Variants in ZNF709 observed in about 807,000 individuals in gnomAD.
The protein encoded by ZNF709 is zinc finger protein 709.
Under a neutral mutation model 10.6 loss-of-function variants are expected in ZNF709, and 15 were observed. That is an observed-to-expected ratio of 1.41 (90% CI 0.95 to 2.18). The LOEUF is 2.18. ZNF709 is among the 30% of genes most tolerant of loss of function. The pLI, the probability that ZNF709 is intolerant of heterozygous loss-of-function variation, is 0.00. For missense variants in ZNF709, 589 were observed against 774.0 expected (o/e 0.76, Z 2.84); for synonymous variants, 194 against 238.8 (o/e 0.81, Z 1.73).
At chr19:12,484,582 A>T in intron 1 of ZNF709, 73 bp downstream of exon 1, 1 of 1,582,578 alleles carries the variant, frequency 6.3e-7, no homozygotes, top group Non-Finnish European at 8.6e-7. Context: ...CCTGGGTCCC[A>T]CCACAGCCAG....
At chr19:12,481,196 C>G in intron 1 of ZNF709, 1 of 984,538 alleles carries the variant, frequency 1.0e-6, no homozygotes. Flanking sequence ...GTTCTCTTGC[C>G]TAAAAGAAAC....
At chr19:12,470,403 G>C (rs1330739695) in intron 1 of ZNF709, among the ~76,000 whole-genome samples, 2 of 152,202 alleles carry the variant, frequency 1.3e-5, no homozygotes, top group Non-Finnish European at 2.9e-5. Context: ...TCCTTGTACA[G>C]TGGTTCTATG....
chr19:12,471,933 A>C lies in ZNF709; in HGVS notation c.4-5083T>G, dbSNP rs557954965. 4.9e-4 allele frequency among the ~76,000 whole-genome samples: 74 copies of C among 152,386 alleles called. 1 individual carries two copies. Among genetic ancestry groups the C allele is most frequent in the African/African-American group, 1.7e-3 (72 of 41,592 alleles). On this transcript the variant is annotated intron_variant, in intron 1 of 3. Coordinates refer to ENST00000397732, the MANE Select transcript of ZNF709 (RefSeq NM_152601.4). ...CATAAAGGATGAGACTGAAAAGTTC[A>C]AACATACTAAAATCAAGAAAGTTAA... is the stretch of plus-strand genomic sequence containing the variant.
At chr19:12,475,257 TAAA>T (rs71166684) in intron 1 of ZNF709, among the ~76,000 whole-genome samples, 12 of 44,730 alleles carry the variant, frequency 2.7e-4, no homozygotes, top group Non-Finnish European at 4.3e-4. Context: ...GATTCCGTCT[TAAA>T]AAAAAAAAAA....
At chr19:12,481,336 C>A (rs1164268367) in intron 1 of ZNF709, 3 of 204,942 alleles carry the variant, frequency 1.5e-5, no homozygotes, top group Non-Finnish European at 1.7e-5. Flanking sequence ...GGGGTTCAAG[C>A]AATTCTCCTG....
intron 1 of ZNF709, among the ~76,000 whole-genome samples, chr19:12,482,296 A>G (rs187922682): frequency 2.0e-5 from 3 of 152,162 alleles, no homozygotes; most frequent in Admixed American, 1.3e-4. Context: ...AGCTAAACAC[A>G]TACACAAGCT....
At position 12,463,969 on chromosome 19, in the gene ZNF709, T is replaced by C. The variant is rs756143908; in HGVS notation, c.*27A>G. 2.2e-6 allele frequency: 3 copies of C among 1,339,414 alleles called. No homozygotes were observed. Among genetic ancestry groups the C allele is most frequent in the South Asian group, 2.3e-5 (1 of 42,696 alleles). 83.0% of individuals were successfully genotyped at this position (1,339,414 alleles called of 1,614,324 possible). ...AAAAGGAAATAGGACAACTGAAAAC[T>C]TTGCCATATTGCTTATATACATAGG... On this transcript the variant is annotated 3_prime_UTR_variant, in exon 4 of 4. Coordinates refer to ENST00000397732, the MANE Select transcript of ZNF709 (RefSeq NM_152601.4).
At chr19:12,470,062 A>G (rs1352723361) in intron 1 of ZNF709, among the ~76,000 whole-genome samples, 2 of 152,118 alleles carry the variant, frequency 1.3e-5, no homozygotes, top group African/African-American at 2.4e-5. Context: ...CCTTTCTCCA[A>G]TTTCAGAAAG....
Position 12,467,785 on chromosome 19 carries a change from C to T in ZNF709, c.4-935G>A, listed in dbSNP as rs541367448. ...CTGGGATGTGAGGAGTGCCTCTGCC[C>T]GGCCGCGACCCCGTCTGGGAGGTGA... On this transcript the variant is annotated intron_variant, in intron 1 of 3. Transcript: ENST00000397732. Among the ~76,000 whole-genome samples, 696 of 151,556 alleles carry T rather than the reference C, an allele frequency of 4.6e-3. 5 individuals carry two copies. The highest frequency in any genetic ancestry group is 0.016 in the African/African-American group (666 of 41,246).
intron 1 of ZNF709, among the ~76,000 whole-genome samples, chr19:12,483,307 ATTTT>A (rs35777030): frequency 8.0e-4 from 76 of 95,230 alleles, no homozygotes; most frequent in Non-Finnish European, 1.4e-3. Flanking sequence ...CGCCCAGCTA[ATTTT>A]TTTTTTTTTT....
chr19:12,484,587 A>G, intron 1 of ZNF709, 68 bp downstream of exon 1: 1 of 1,593,308 alleles, frequency 6.3e-7, no homozygotes, highest in Non-Finnish European at 8.6e-7. Context: ...GTCCCACCAC[A>G]GCCAGATCCG....
At chr19:12,467,260 G>A (rs1486906729) in intron 1 of ZNF709, among the ~76,000 whole-genome samples, 2 of 152,182 alleles carry the variant, frequency 1.3e-5, no homozygotes, top group Non-Finnish European at 2.9e-5. Flanking sequence ...GCCTCAGCCT[G>A]CCGAGTGCCT....
Position 12,466,806 on chromosome 19 carries a change from C to G in ZNF709, c.48G>C (p.Glu16Asp). The change falls in exon 2 of 4, where the codon GAG becomes GAC. Residue 16 changes from glutamate to aspartate, a missense_variant. Glu to Asp is a conservative substitution (Grantham distance 45, BLOSUM62 2). Coordinates refer to ENST00000397732, the MANE Select transcript of ZNF709 (RefSeq NM_152601.4). ...FEDVAVNFTQ[E>D]EWALLGPSQK... Reference sequence around the variant, plus strand: ...GAGAGGGACCCAGCAAAGCCCACTCCTCCTGGGTGAAGTTCACAGCCACAT... The same window carrying G: ...GAGAGGGACCCAGCAAAGCCCACTCGTCCTGGGTGAAGTTCACAGCCACAT... 1 of 1,614,018 alleles carries G rather than the reference C, an allele frequency of 6.2e-7. No individual in the cohort carries two copies. The highest frequency in any genetic ancestry group is 8.5e-7 in the Non-Finnish European group (1 of 1,179,964).
rs562854863 is a variant in ZNF709, at chr19:12,466,526, T to G, written c.131-7A>C. On this transcript the variant is annotated splice_polypyrimidine_tract_variant and splice_region_variant and intron_variant, in intron 2 of 3. Transcript: ENST00000397732. The stretch of plus-strand genomic sequence containing the variant: ...TTCTCCTCCCAGTTTTCCCCTAAAA[T>G]GCAGGCCCAGAAAAATCATTAAACC... 4 of 1,613,882 alleles carry G rather than the reference T, an allele frequency of 2.5e-6. No homozygotes were observed. The highest frequency in any genetic ancestry group is 3.3e-5 in the Admixed American group (2 of 59,970).
intron 2 of ZNF709, 35 bp downstream of exon 2, chr19:12,466,689 T>C: frequency 6.2e-7 from 1 of 1,613,886 alleles, no homozygotes; most frequent in Non-Finnish European, 8.5e-7. Flanking sequence ...ACTTGTTCTC[T>C]AATTGACTAA....
At chr19:12,467,831 C>T (rs1970591601) in intron 1 of ZNF709, among the ~76,000 whole-genome samples, 1 of 151,004 alleles carries the variant, frequency 6.6e-6, no homozygotes, top group South Asian at 2.1e-4. Flanking sequence ...TGCCCGGCCG[C>T]AACCCCGTCT....
chr19:12,475,571 A>G (rs12460192), intron 1 of ZNF709, among the ~76,000 whole-genome samples: 40,238 of 152,010 alleles, frequency 0.26, 5,528 homozygotes, highest in South Asian at 0.37. Context: ...TTTGAGAAGC[A>G]GTATTTATAG....
In ZNF709 at chr19:12,461,881, A is replaced by G. The variant is rs2144980967; in HGVS notation, c.*2115T>C. On this transcript the variant is annotated 3_prime_UTR_variant, in exon 4 of 4. Coordinates refer to ENST00000397732, the MANE Select transcript of ZNF709 (RefSeq NM_152601.4). The stretch of plus-strand genomic sequence containing the variant: ...CAGGAGTTTGAGACCAGCCTGGCCA[A>G]CAATGATGAAACCCTGTCTCTACTA... The G allele has an allele frequency of 6.6e-6, 1 of 152,352 alleles. No individual in the cohort carries two copies. The highest frequency in any genetic ancestry group is 2.1e-4 in the South Asian group (1 of 4,822). 9.4% of individuals were successfully genotyped at this position (152,352 alleles called of 1,614,324 possible). A position where few individuals can be genotyped will look rare whatever the true frequency, so the allele number is the denominator to read the frequency against.
Position 12,481,940 on chromosome 19 carries a change from GGAAA to G in ZNF709, c.3+2711_3+2714del, listed in dbSNP as rs1970730789. Among the ~76,000 whole-genome samples, 3 of 146,472 alleles carry G rather than the reference GGAAA, an allele frequency of 2.0e-5. No individual in the cohort carries two copies. The South Asian group carries it at 6.6e-4, about 32-fold the overall frequency. On this transcript the variant is annotated intron_variant, in intron 1 of 3. Coordinates refer to ENST00000397732, the MANE Select transcript of ZNF709 (RefSeq NM_152601.4). ...AAAAAAAAAAGGGAAGGAAGGAAGGGGAAAGAAAGAAAGGAGGAAGGAAAGGAAG... is the reference window on the plus strand; with the variant it reads ...AAAAAAAAAAGGGAAGGAAGGAAGGGGAAAGAAAGGAGGAAGGAAAGGAAG...
Sources: allele counts gnomAD v4.1 joint callset (sites outside exome capture counted in the v4.1 genomes callset), GRCh38; gene constraint gnomAD v4.1.1; transcripts MANE v1.5; gene names NCBI Gene and HGNC (gene_info 2026-07-23, HGNC 2026-07-21).